Variants in PFKFB3 observed in about 807,000 individuals in gnomAD.
The protein encoded by PFKFB3 is 6-phosphofructo-2-kinase/fructose-2,6-biphosphatase 3.
A neutral mutation model predicts 68.0 loss-of-function variants in PFKFB3; 33 were observed. The ratio of observed to expected loss-of-function variants is 0.49; its 90% CI spans 0.37 to 0.65. The LOEUF (loss-of-function observed/expected upper bound fraction) is 0.65, where lower values mean the gene tolerates loss of function less well. Among genes scored for constraint, PFKFB3 ranks in the 30% least tolerant of loss-of-function variants. The probability of loss-of-function intolerance (pLI) is 0.00; values close to 1 mark genes in which losing one functional copy is unlikely to be tolerated. For missense variants in PFKFB3, 586 were observed against 712.2 expected (o/e 0.82, Z 2.02); for synonymous variants, 315 against 288.2 (o/e 1.09, Z -0.94).
rs1845503610 is a variant in PFKFB3 at position 6,228,450 on chromosome 10, G to A, written c.1515+2085G>A. 6.6e-6 allele frequency among the ~76,000 whole-genome samples: 1 copy of A among 152,090 alleles called. No individual in the cohort carries two copies. Among genetic ancestry groups the A allele is most frequent in the Non-Finnish European group, 1.5e-5 (1 of 68,006 alleles). On this transcript the variant is annotated intron_variant, in intron 14 of 14. Transcript: ENST00000379775. This position sits in a 1 kb window ranked among gnomAD's most constrained non-coding sequence, Gnocchi z 4.5. ...CTACTGTTGGGTGTGTTCCGACACC[G>A]CCGCACGACCGCTGGCTTCTCCCCT...
chr10:6,269,166 G>C, the PFKFB3 span, among the ~76,000 whole-genome samples: 1 of 150,972 alleles, frequency 6.6e-6, no homozygotes, highest in South Asian at 2.1e-4. Context: ...CATCTTCCCT[G>C]AATGGCGATT....
the PFKFB3 span, among the ~76,000 whole-genome samples, chr10:6,261,266 T>G: frequency 6.6e-6 from 1 of 152,270 alleles, no homozygotes; most frequent in Non-Finnish European, 1.5e-5. Flanking sequence ...GTTTTCTGGA[T>G]GCAAGGTCTT....
chr10:6,280,517 G>A, the PFKFB3 span, among the ~76,000 whole-genome samples: 1 of 152,222 alleles, frequency 6.6e-6, no homozygotes, highest in Non-Finnish European at 1.5e-5. Flanking sequence ...CTTAGATCGT[G>A]TAATGTCTTT....
chr10:6,263,343 T>C, the PFKFB3 span, among the ~76,000 whole-genome samples: 9 of 152,252 alleles, frequency 5.9e-5, no homozygotes, highest in Non-Finnish European at 1.3e-4. Flanking sequence ...GGCCAGGTGT[T>C]CCTTGCTCTC....
At chr10:6,320,545 T>A in the PFKFB3 span, among the ~76,000 whole-genome samples, 1 of 151,910 alleles carries the variant, frequency 6.6e-6, no homozygotes, top group African/African-American at 2.4e-5. Context: ...CTTCCTGAGA[T>A]CAATTGAGCT....
the PFKFB3 span, among the ~76,000 whole-genome samples, chr10:6,319,684 TA>T: frequency 0.58 from 87,986 of 150,540 alleles, 26,021 homozygotes; most frequent in East Asian, 0.77. Flanking sequence ...TGTAAAATTG[TA>T]AAAAAAAAAA....
upstream of PFKFB3, among the ~76,000 whole-genome samples, chr10:6,200,266 A>G (rs1157718216): frequency 6.6e-6 from 1 of 152,062 alleles, no homozygotes; most frequent in East Asian, 1.9e-4. Flanking sequence ...TGTAGCTGTA[A>G]AAGAATCATC....
chr10:6,195,620 G>A (rs1843156450), intron 1 of PFKFB3, among the ~76,000 whole-genome samples: 2 of 152,182 alleles, frequency 1.3e-5, no homozygotes, highest in Admixed American at 1.3e-4. Flanking sequence ...AAGCAAACTG[G>A]TAAGAGAATG....
At chr10:6,173,324 G>A (rs657523) in intron 1 of PFKFB3, among the ~76,000 whole-genome samples, 31,238 of 152,120 alleles carry the variant, frequency 0.21, 3,628 homozygotes, top group East Asian at 0.26. Flanking sequence ...TGCTGGGGCC[G>A]GGCAGTGGTG....
At chr10:6,192,457 G>T (rs867571412) in intron 1 of PFKFB3, among the ~76,000 whole-genome samples, 1 of 151,584 alleles carries the variant, frequency 6.6e-6, no homozygotes, top group South Asian at 2.1e-4. Flanking sequence ...ACAGAGCAGG[G>T]AGAGGTGCCA....
At chr10:6,222,321 GCTT>G (rs1215388261) in intron 10 of PFKFB3, among the ~76,000 whole-genome samples, 1 of 152,312 alleles carries the variant, frequency 6.6e-6, no homozygotes. Flanking sequence ...CAGCCCTCCT[GCTT>G]CTTTTTACAT....
chr10:6,207,114 C>T (rs1466857484), intron 1 of PFKFB3, among the ~76,000 whole-genome samples: 17 of 152,090 alleles, frequency 1.1e-4, no homozygotes, highest in Admixed American at 3.3e-4. Context: ...TGTAGCGAGC[C>T]GAGATCACGC....
intron 1 of PFKFB3, among the ~76,000 whole-genome samples, chr10:6,161,637 T>G (rs11257035): frequency 0.041 from 6,137 of 149,698 alleles, 208 homozygotes; most frequent in African/African-American, 0.096. Context: ...TATATATATA[T>G]AGAGAGAGAG....
chr10:6,261,544 A>G, the PFKFB3 span, among the ~76,000 whole-genome samples: 1 of 152,196 alleles, frequency 6.6e-6, no homozygotes, highest in African/African-American at 2.4e-5. Context: ...GGAGAGTGGG[A>G]GGAGGGAAAG....
intron 1 of PFKFB3, among the ~76,000 whole-genome samples, chr10:6,177,380 CTTTCTTTCTTTCTT>C (rs1842512584): frequency 2.7e-5 from 3 of 109,786 alleles, no homozygotes; most frequent in Non-Finnish European, 6.4e-5. Context: ...TTCTTTCTTT[CTTTCTTTCTTTCTT>C]TCTTTCTTTC....
At chr10:6,226,483 G>A (rs927214402) in intron 14 of PFKFB3, 118 bp downstream of exon 14, 96 of 919,308 alleles carry the variant, frequency 1.0e-4, no homozygotes, top group African/African-American at 4.0e-4. Context: ...GTGTGGGTGC[G>A]CGTGCGTATG....
the PFKFB3 span, among the ~76,000 whole-genome samples, chr10:6,271,756 C>T: frequency 2.6e-5 from 4 of 152,244 alleles, no homozygotes; most frequent in East Asian, 1.9e-4. Context: ...ATAGCCACAG[C>T]GCCTTCTCCC....
At chr10:6,237,377 G>T (rs752049320), downstream of PFKFB3, among the ~76,000 whole-genome samples, 18 of 152,326 alleles carry the variant, frequency 1.2e-4, no homozygotes, top group Non-Finnish European at 2.2e-4. Flanking sequence ...AGAAGACCCA[G>T]ATGATGTGCT....
intron 1 of PFKFB3, among the ~76,000 whole-genome samples, chr10:6,207,155 A>G (rs1843832635): frequency 6.6e-6 from 1 of 152,256 alleles, no homozygotes; most frequent in South Asian, 2.1e-4. Flanking sequence ...ACCATTGAGC[A>G]CTGAGTGAAC....
Sources: allele counts gnomAD v4.1 joint callset (sites outside exome capture counted in the v4.1 genomes callset), GRCh38; gene constraint gnomAD v4.1.1; non-coding constraint Gnocchi (gnomAD v3.1); transcripts MANE v1.5; gene names NCBI Gene and HGNC (gene_info 2026-07-23, HGNC 2026-07-21).